The following NCS1 variants were observed in gnomAD, a reference collection of about 807,000 sequenced individuals.
NCS1 encodes neuronal calcium sensor 1, also known as frequenin homolog.
NCS1 carries 6 observed loss-of-function variants against 28.4 expected under a neutral mutation model. The observed-to-expected ratio is 0.21, with a 90% CI of 0.12 to 0.42. The LOEUF (loss-of-function observed/expected upper bound fraction) is 0.42. Ranked by LOEUF, NCS1 falls within the 10% of genes least tolerant of loss-of-function variation. The probability of loss-of-function intolerance (pLI) is 1.00; values close to 1 mark genes in which losing one functional copy is unlikely to be tolerated. For synonymous variants in NCS1, 86 were observed against 99.3 expected (o/e 0.87, Z 0.79); for missense variants, 131 against 241.4 (o/e 0.54, Z 3.03).
At chr9:130,198,153 C>G (rs1294920090) in intron 1 of NCS1, among the ~76,000 whole-genome samples, 2 of 152,214 alleles carry the variant, frequency 1.3e-5, no homozygotes, top group Non-Finnish European at 2.9e-5. Flanking sequence ...GCTCGGCTGC[C>G]TGCTGATCAC....
intron 4 of NCS1, among the ~76,000 whole-genome samples, chr9:130,220,634 C>G (rs61302176): frequency 0.024 from 3,669 of 151,846 alleles, 141 homozygotes; most frequent in African/African-American, 0.083. Flanking sequence ...ATGCAGGGTG[C>G]GTGGAGGGGA....
rs782294508 is a variant in NCS1, at chr9:130,209,644, G to T, written c.90-8188G>T. On this transcript the variant is annotated intron_variant, in intron 2 of 7. Transcript: ENST00000372398. This position sits in a 1 kb window ranked among gnomAD's most constrained non-coding sequence, Gnocchi z 4.4. ...GGCGCCGTGTTGGGGAAGAGAAGGT[G>T]GGAGGTGTGGGAGGAGACCCAGCGC... 6.6e-6 allele frequency among the ~76,000 whole-genome samples: 1 copy of T among 152,182 alleles called. No homozygotes were observed. The highest frequency in any genetic ancestry group is 1.5e-5 in the Non-Finnish European group (1 of 68,032).
intron 4 of NCS1, among the ~76,000 whole-genome samples, chr9:130,220,879 C>A (rs373014560): frequency 2.2e-4 from 33 of 151,172 alleles, no homozygotes; most frequent in African/African-American, 7.5e-4. Context: ...GCAGAGTGGA[C>A]TGTGGGGAGG....
At chr9:130,178,130 G>A (rs575444935) in intron 1 of NCS1, among the ~76,000 whole-genome samples, 1 of 152,332 alleles carries the variant, frequency 6.6e-6, no homozygotes, top group South Asian at 2.1e-4. Context: ...CTCCTGAAGT[G>A]TTGGGATTAC....
At chr9:130,212,989 G>A (rs1363048690) in intron 2 of NCS1, among the ~76,000 whole-genome samples, 7 of 152,180 alleles carry the variant, frequency 4.6e-5, no homozygotes, top group African/African-American at 1.2e-4. Flanking sequence ...CCCCCATCCC[G>A]TCTCTCTGCT....
chr9:130,176,164 TTC>T (rs1832563823), intron 1 of NCS1, among the ~76,000 whole-genome samples: 1 of 79,522 alleles, frequency 1.3e-5, no homozygotes, highest in Non-Finnish European at 2.1e-5. Context: ...CTTTCTTTCT[TTC>T]TTTCTTTCTT....
intron 2 of NCS1, 42 bp downstream of exon 2, chr9:130,201,024 T>C (rs782081658): frequency 6.2e-6 from 10 of 1,612,716 alleles, no homozygotes; most frequent in East Asian, 2.2e-5. Context: ...GGGCTGCGGC[T>C]GTGGGCTTTG....
chr9:130,191,440 G>C lies in NCS1; in HGVS notation c.65-9518G>C, dbSNP rs1375099017. 3.3e-5 allele frequency among the ~76,000 whole-genome samples: 5 copies of C among 152,194 alleles called. No homozygotes were observed. The highest frequency in any genetic ancestry group is 5.9e-5 in the Non-Finnish European group (4 of 68,034). ...AGGTGAAATACCCCCCGATTCGAGT[G>C]CTCAGCCTTCCTCCCACCAGCCCGG... On this transcript the variant is annotated intron_variant, in intron 1 of 7. Transcript: ENST00000372398. The surrounding 1 kb of genome is among the most constrained non-coding windows in gnomAD (Gnocchi z 6.4).
At chr9:130,189,872 AAAAAAAAATAT>A (rs1285558002) in intron 1 of NCS1, among the ~76,000 whole-genome samples, 5 of 100,934 alleles carry the variant, frequency 5.0e-5, no homozygotes, top group Non-Finnish European at 8.9e-5. Flanking sequence ...AAAAAAAAAA[AAAAAAAAATAT>A]ATATATATAT....
rs1012219854 is a variant in NCS1 at position 130,192,948 on chromosome 9, A to T, written c.65-8010A>T. ...AATGTCCTCTCTCACAGATGGGGAA[A>T]CCGAAACCCAAACTGGGGAAAAAAC... On this transcript the variant is annotated intron_variant, in intron 1 of 7. Coordinates refer to ENST00000372398, the MANE Select transcript of NCS1 (RefSeq NM_014286.4). The surrounding 1 kb of genome is among the most constrained non-coding windows in gnomAD (Gnocchi z 4.8). 2.6e-5 allele frequency among the ~76,000 whole-genome samples: 4 copies of T among 152,204 alleles called. No individual in the cohort carries two copies. Among genetic ancestry groups the T allele is most frequent in the Non-Finnish European group, 5.9e-5 (4 of 68,030 alleles).
chr9:130,202,281 C>T (rs551260567), intron 2 of NCS1, among the ~76,000 whole-genome samples: 2 of 152,286 alleles, frequency 1.3e-5, no homozygotes, highest in South Asian at 4.1e-4. Context: ...ACCTTTGTCT[C>T]CGGGGCTTCC....
Position 130,224,884 on chromosome 9 carries a change from G to A in NCS1, c.475-1505G>A, listed in dbSNP as rs576249523. 2.2e-4 allele frequency among the ~76,000 whole-genome samples: 34 copies of A among 152,266 alleles called. No homozygotes were observed. In the East Asian group the frequency reaches 5.8e-3, roughly 26 times the overall value. On this transcript the variant is annotated intron_variant, in intron 6 of 7. Coordinates refer to ENST00000372398, the MANE Select transcript of NCS1 (RefSeq NM_014286.4). ...GACGTTAGGGAAATCCAGGTGTTAC[G>A]TGCCTTCAGCAAAATAACATAAAAT...
intron 2 of NCS1, among the ~76,000 whole-genome samples, chr9:130,207,002 C>A (rs1399888000): frequency 6.6e-6 from 1 of 152,176 alleles, no homozygotes; most frequent in Non-Finnish European, 1.5e-5. Flanking sequence ...ATGTGTGGGG[C>A]TCCCCTTGTC....
At chr9:130,197,471 C>T (rs1832889531) in intron 1 of NCS1, among the ~76,000 whole-genome samples, 1 of 152,180 alleles carries the variant, frequency 6.6e-6, no homozygotes, top group Non-Finnish European at 1.5e-5. Context: ...CAAACCCAGG[C>T]TGAGGATGGG....
chr9:130,221,438 AG>A (rs1554910431), intron 4 of NCS1, among the ~76,000 whole-genome samples: 2 of 142,414 alleles, frequency 1.4e-5, no homozygotes, highest in South Asian at 4.3e-4. Flanking sequence ...AGAGAGAGAG[AG>A]AGAGAGAGAG....
intron 1 of NCS1, among the ~76,000 whole-genome samples, chr9:130,189,879 A>AAAAAAAATATAT (rs1554906056): frequency 2.6e-5 from 1 of 37,748 alleles, no homozygotes; most frequent in African/African-American, 1.2e-4. Context: ...AAAAAAAAAA[A>AAAAAAAATATAT]ATATATATAT....
rs962537599 is a variant in NCS1 at position 130,209,708 on chromosome 9, A to G, written c.90-8124A>G. ...GTTTTGCAAGTGGTAGTCAGCTTTCAGGATTTTTATGAAATGAGGTTTCTT... is the reference window on the plus strand; with the variant it reads ...GTTTTGCAAGTGGTAGTCAGCTTTCGGGATTTTTATGAAATGAGGTTTCTT... On this transcript the variant is annotated intron_variant, in intron 2 of 7. Transcript: ENST00000372398. This position sits in a 1 kb window ranked among gnomAD's most constrained non-coding sequence, Gnocchi z 4.4. Among the ~76,000 whole-genome samples, 13 of 152,206 alleles carry G rather than the reference A, an allele frequency of 8.5e-5. No homozygotes were observed. The highest frequency in any genetic ancestry group is 2.9e-5 in the Non-Finnish European group (2 of 68,038).
At position 130,203,583 on chromosome 9, in the gene NCS1, G is replaced by T. The variant is rs1037973940; in HGVS notation, c.89+2601G>T. Among the ~76,000 whole-genome samples the T allele has an allele frequency of 3.9e-5, 6 of 152,132 alleles. No homozygotes were observed. The South Asian group carries it at 1.2e-3, about 32-fold the overall frequency. On this transcript the variant is annotated intron_variant, in intron 2 of 7. Coordinates refer to ENST00000372398, the MANE Select transcript of NCS1 (RefSeq NM_014286.4). Reference sequence around the variant, plus strand: ...GCTGTCCCCCACGCCCATTGCCCTGGCCCCGATTGTGGCTGCTCATGACCA... The same window carrying T: ...GCTGTCCCCCACGCCCATTGCCCTGTCCCCGATTGTGGCTGCTCATGACCA...
At chr9:130,182,388 A>G (rs1390036182) in intron 1 of NCS1, among the ~76,000 whole-genome samples, 1 of 152,164 alleles carries the variant, frequency 6.6e-6, no homozygotes, top group Non-Finnish European at 1.5e-5. Flanking sequence ...GGAGCATCCA[A>G]GCCGCTGCTG....
Sources: allele counts gnomAD v4.1 joint callset (sites outside exome capture counted in the v4.1 genomes callset), GRCh38; gene constraint gnomAD v4.1.1; non-coding constraint Gnocchi (gnomAD v3.1); transcripts MANE v1.5; gene names NCBI Gene and HGNC (gene_info 2026-07-23, HGNC 2026-07-21).